FSTL5: variants seen among roughly 807,000 people sequenced by gnomAD.
The protein encoded by FSTL5 is follistatin like 5.
Under a neutral mutation model 89.1 loss-of-function variants are expected in FSTL5, and 62 were observed. That is an observed-to-expected ratio of 0.70 (90% CI 0.57 to 0.86). The LOEUF (loss-of-function observed/expected upper bound fraction) is 0.86, where lower values mean the gene tolerates loss of function less well. Among genes scored for constraint, FSTL5 ranks in the 40% least tolerant of loss-of-function variants. The probability of loss-of-function intolerance (pLI) is 0.00; values close to 1 mark genes in which losing one functional copy is unlikely to be tolerated. For synonymous variants in FSTL5, 383 were observed against 346.2 expected (o/e 1.11, Z -1.18); for missense variants, 1,057 against 1,001.6 (o/e 1.06, Z -0.75).
chr4:161,401,690 A>G (rs1731184988), intron 15 of FSTL5, among the ~76,000 whole-genome samples: 1 of 151,936 alleles, frequency 6.6e-6, no homozygotes, highest in Non-Finnish European at 1.5e-5. Context: ...ATGCCCGGCT[A>G]ATTTTTTTTG....
intron 6 of FSTL5, among the ~76,000 whole-genome samples, chr4:161,668,656 G>A (rs1736978989): frequency 6.6e-6 from 1 of 152,110 alleles, no homozygotes; most frequent in Non-Finnish European, 1.5e-5. Flanking sequence ...ATATGAAAAT[G>A]ATTATACACT....
intron 6 of FSTL5, among the ~76,000 whole-genome samples, chr4:161,697,940 T>G (rs1391528281): frequency 1.3e-5 from 2 of 149,624 alleles, no homozygotes; most frequent in African/African-American, 4.9e-5. Flanking sequence ...TATGGGAAGG[T>G]GTGTGTGTGT....
At chr4:161,526,877 T>G (rs1731238006) in intron 10 of FSTL5, among the ~76,000 whole-genome samples, 1 of 152,172 alleles carries the variant, frequency 6.6e-6, no homozygotes, top group African/African-American at 2.4e-5. Flanking sequence ...AAGTCAGGTA[T>G]CGTGATGGCT....
At chr4:162,137,202 AAAAT>A (rs1384787797) in intron 1 of FSTL5, among the ~76,000 whole-genome samples, 3 of 152,130 alleles carry the variant, frequency 2.0e-5, no homozygotes, top group Non-Finnish European at 4.4e-5. Context: ...TATTTTCCAC[AAAAT>A]AAATACTTTT....
rs1004953600 is a variant in FSTL5, at chr4:162,012,743, A to G, written c.160+20882T>C. Among the ~76,000 whole-genome samples, 26 of 152,188 alleles carry G rather than the reference A, an allele frequency of 1.7e-4. 1 individual carries two copies. The highest frequency in any genetic ancestry group is 6.0e-4 in the African/African-American group (25 of 41,452). The stretch of plus-strand genomic sequence containing the variant: ...CATATGAAATACATGTTGAGAGAAA[A>G]TCAAATATCTGAGTGCTTAATAATA... On this transcript the variant is annotated intron_variant, in intron 3 of 15. Coordinates refer to ENST00000306100, the MANE Select transcript of FSTL5 (RefSeq NM_020116.5).
chr4:161,891,673 G>A (rs1462550300), intron 4 of FSTL5, among the ~76,000 whole-genome samples: 2 of 152,058 alleles, frequency 1.3e-5, no homozygotes, highest in Non-Finnish European at 2.9e-5. Flanking sequence ...CTTTATGCCA[G>A]TTATAACTAT....
intron 2 of FSTL5, among the ~76,000 whole-genome samples, chr4:162,088,468 C>A (rs544429457): frequency 1.3e-5 from 2 of 151,860 alleles, no homozygotes; most frequent in African/African-American, 2.4e-5. Context: ...CATATAACTG[C>A]GACATTTTTA....
intron 2 of FSTL5, among the ~76,000 whole-genome samples, chr4:162,051,337 ATAGG>A (rs1578987938): frequency 1.3e-5 from 2 of 151,572 alleles, no homozygotes; most frequent in African/African-American, 4.8e-5. Context: ...TAATGGAGAG[ATAGG>A]TAGATAAATG....
chr4:161,687,074 C>A (rs1165540450), intron 6 of FSTL5, among the ~76,000 whole-genome samples: 1 of 152,038 alleles, frequency 6.6e-6, no homozygotes, highest in Non-Finnish European at 1.5e-5. Flanking sequence ...GGCCTCATTG[C>A]TTTAAATTGC....
At chr4:161,662,296 C>T (rs542625691) in intron 6 of FSTL5, among the ~76,000 whole-genome samples, 27 of 152,060 alleles carry the variant, frequency 1.8e-4, no homozygotes, top group African/African-American at 6.3e-4. Flanking sequence ...TATGATATGG[C>T]CCACCAAAAG....
At chr4:162,077,062 A>G (rs1451990241) in intron 2 of FSTL5, among the ~76,000 whole-genome samples, 2 of 151,782 alleles carry the variant, frequency 1.3e-5, no homozygotes, top group African/African-American at 4.8e-5. Context: ...GTTGTTAAAA[A>G]CTGGATACCT....
rs183933869 is a variant in FSTL5, at chr4:161,435,474, A to C, written c.1841+19530T>G. 8.9e-4 allele frequency among the ~76,000 whole-genome samples: 135 copies of C among 150,980 alleles called. 1 individual carries two copies. Among genetic ancestry groups the C allele is most frequent in the African/African-American group, 3.1e-3 (126 of 40,560 alleles). ...GGAGAAGTGGGGATGGTTAGTGGATACAAAAATATAGTTAGAATGAATAAA... is the reference window on the plus strand; with the variant it reads ...GGAGAAGTGGGGATGGTTAGTGGATCCAAAAATATAGTTAGAATGAATAAA... On this transcript the variant is annotated intron_variant, in intron 15 of 15. Transcript: ENST00000306100.
intron 1 of FSTL5, among the ~76,000 whole-genome samples, chr4:162,115,305 T>A (rs976799046): frequency 2.6e-5 from 4 of 152,206 alleles, no homozygotes; most frequent in Non-Finnish European, 4.4e-5. Context: ...ATCATGATCA[T>A]CTTCTTATTT....
intron 7 of FSTL5, among the ~76,000 whole-genome samples, chr4:161,639,298 T>C (rs181255913): frequency 6.6e-6 from 1 of 152,292 alleles, no homozygotes; most frequent in African/African-American, 2.4e-5. Context: ...TGTGAAATGA[T>C]TATTATGTAC....
chr4:161,923,033 A>G (rs1324759551), intron 3 of FSTL5, among the ~76,000 whole-genome samples: 2 of 151,936 alleles, frequency 1.3e-5, no homozygotes, highest in Non-Finnish European at 2.9e-5. Context: ...ATATTGTTAT[A>G]ACAAATAACC....
intron 2 of FSTL5, among the ~76,000 whole-genome samples, chr4:162,093,348 G>A (rs533599997): frequency 6.6e-6 from 1 of 152,190 alleles, no homozygotes; most frequent in East Asian, 1.9e-4. Context: ...GTAGATAACA[G>A]GTCAAATGTT....
intron 7 of FSTL5, among the ~76,000 whole-genome samples, chr4:161,615,118 C>G (rs533804673): frequency 1.1e-3 from 174 of 151,842 alleles, no homozygotes; most frequent in Non-Finnish European, 1.9e-3. Flanking sequence ...CACGGTGAAA[C>G]CCCGTCTCTA....
At chr4:161,665,223 AAGAC>A (rs1460742107) in intron 6 of FSTL5, among the ~76,000 whole-genome samples, 1 of 152,110 alleles carries the variant, frequency 6.6e-6, no homozygotes, top group Non-Finnish European at 1.5e-5. Context: ...AAGAATATCA[AAGAC>A]AGAGAGAAAT....
chr4:161,449,563 T>C (rs998713512), intron 15 of FSTL5, among the ~76,000 whole-genome samples: 2 of 152,086 alleles, frequency 1.3e-5, no homozygotes, highest in African/African-American at 4.8e-5. Context: ...AAATCATAAG[T>C]CATCTCCTTG....
Sources: gnomAD v4.1 joint callset for allele counts (sites outside exome capture counted in the v4.1 genomes callset) on GRCh38, gnomAD v4.1.1 for gene constraint, MANE v1.5 for transcripts, NCBI Gene and HGNC (gene_info 2026-07-23, HGNC 2026-07-21) for gene names.